The following SPANXN3 variants were observed in gnomAD, a reference collection of about 807,000 sequenced individuals.
The protein encoded by SPANXN3 is sperm protein associated with the nucleus on the X chromosome N3.
SPANXN3 carries 1 observed loss-of-function variant against 1.9 expected under a neutral mutation model. That is an observed-to-expected ratio of 0.54 (90% confidence interval 0.19 to 2.54). The LOEUF is 2.54. Ranked by LOEUF, SPANXN3 falls within the 30% of genes most tolerant of loss-of-function variation. SPANXN3 has a pLI of 0.24. For synonymous variants in SPANXN3, 47 were observed against 40.0 expected, an observed-to-expected ratio of 1.17 and a Z score of -0.66; for missense variants, 113 against 96.2, an observed-to-expected ratio of 1.17 and a Z score of -0.73.
chrX:143,510,398 C>A (rs1929064774), intron 1 of SPANXN3, among the ~76,000 whole-genome samples: 1 of 110,673 alleles, frequency 9.0e-6, no homozygotes, highest in Non-Finnish European at 1.9e-5. Flanking sequence ...CTCTCCAGGT[C>A]CCTTCTCCCA....
At chrX:143,510,571 T>G (rs1556411556) in intron 1 of SPANXN3, among the ~76,000 whole-genome samples, 1 of 111,795 alleles carries the variant, frequency 8.9e-6, no homozygotes, top group Non-Finnish European at 1.9e-5. Context: ...AACATTCAAC[T>G]TTCAAATTCA....
At chrX:143,509,549 G>T (rs1556411415) in intron 1 of SPANXN3, 1 of 146,788 alleles carries the variant, frequency 6.8e-6, no homozygotes, top group African/African-American at 3.2e-5. Flanking sequence ...CCAGCCCTGG[G>T]CTAACCTCCA....
intron 1 of SPANXN3, among the ~76,000 whole-genome samples, chrX:143,511,316 T>C (rs1301198791): frequency 9.0e-6 from 1 of 111,563 alleles, no homozygotes; most frequent in African/African-American, 3.3e-5. Context: ...CCATATGATA[T>C]CATGCCTTCT....
intron 1 of SPANXN3, among the ~76,000 whole-genome samples, chrX:143,509,418 T>C (rs1461773107): frequency 9.0e-6 from 1 of 111,291 alleles, no homozygotes; most frequent in Non-Finnish European, 1.9e-5. Flanking sequence ...AGTGAAACAT[T>C]CCATGGGGGT....
chrX:143,511,386 A>C (rs2057544553), intron 1 of SPANXN3, among the ~76,000 whole-genome samples: 1 of 111,459 alleles, frequency 9.0e-6, no homozygotes, highest in South Asian at 3.8e-4. Flanking sequence ...AAAGGTCACA[A>C]CTAAATATGC....
intron 1 of SPANXN3, among the ~76,000 whole-genome samples, chrX:143,510,547 C>T (rs1929068454): frequency 8.9e-6 from 1 of 111,741 alleles, no homozygotes; most frequent in Admixed American, 9.5e-5. Context: ...TCACTCCCCT[C>T]TTCTAAAAAA....
At position 143,508,775 on chromosome X, in the gene SPANXN3, A is replaced by G; in HGVS notation, c.*40T>C. Reference sequence around the variant, plus strand: ...TGATTTTATTGTAATCATCGCCATCAGTGGTGATGATTTGTCCAATTTGGT... The same window carrying G: ...TGATTTTATTGTAATCATCGCCATCGGTGGTGATGATTTGTCCAATTTGGT... On this transcript the variant is annotated 3_prime_UTR_variant, in exon 2 of 2. Transcript: ENST00000370503. The G allele has an allele frequency of 9.6e-7, 1 of 1,041,545 alleles. No homozygotes were observed. Among genetic ancestry groups the G allele is most frequent in the Non-Finnish European group, 1.3e-6 (1 of 751,026 alleles). 85.8% of individuals were successfully genotyped at this position (1,041,545 alleles called of 1,213,427 possible). A position where few individuals can be genotyped will look rare whatever the true frequency, so the allele number is the denominator to read the frequency against.
chrX:143,511,719 G>A (rs1334294013), intron 1 of SPANXN3, among the ~76,000 whole-genome samples: 2 of 111,465 alleles, frequency 1.8e-5, no homozygotes, highest in African/African-American at 6.5e-5. Context: ...GGGACACTGA[G>A]CAAAAGCCTG....
chrX:143,516,072 G>A (rs1483960109), intron 1 of SPANXN3, among the ~76,000 whole-genome samples: 3 of 111,774 alleles, frequency 2.7e-5, no homozygotes, highest in Non-Finnish European at 5.6e-5. Context: ...CTTCTGCCCT[G>A]TCAGGGCTAC....
At chrX:143,512,540 C>T (rs1191514945) in intron 1 of SPANXN3, among the ~76,000 whole-genome samples, 1 of 111,352 alleles carries the variant, frequency 9.0e-6, no homozygotes, top group African/African-American at 3.3e-5. Context: ...AGTTGTTGAC[C>T]AGGCAGTGGT....
intron 1 of SPANXN3, among the ~76,000 whole-genome samples, chrX:143,512,219 A>G (rs1929107423): frequency 9.2e-6 from 1 of 109,202 alleles, no homozygotes; most frequent in Admixed American, 9.8e-5. Flanking sequence ...CCGACACCCA[A>G]ACGCTTCCCT....
chrX:143,510,563 C>T (rs1399048402), intron 1 of SPANXN3, among the ~76,000 whole-genome samples: 2 of 111,788 alleles, frequency 1.8e-5, no homozygotes, highest in African/African-American at 3.3e-5. Context: ...AAAAACAAAA[C>T]ATTCAACTTT....
At chrX:143,515,807 C>T (rs1929203727) in intron 1 of SPANXN3, among the ~76,000 whole-genome samples, 1 of 111,994 alleles carries the variant, frequency 8.9e-6, no homozygotes, top group African/African-American at 3.3e-5. Flanking sequence ...CCAGTTCATT[C>T]CCAAACCTGT....
chrX:143,511,443 C>T (rs781784330), intron 1 of SPANXN3, among the ~76,000 whole-genome samples: 61 of 111,521 alleles, frequency 5.5e-4, no homozygotes, highest in African/African-American at 1.7e-3. Flanking sequence ...CCTCCATTTA[C>T]ACTTTATCTC....
chrX:143,511,992 C>G (rs1429846636), intron 1 of SPANXN3, among the ~76,000 whole-genome samples: 50 of 111,220 alleles, frequency 4.5e-4, no homozygotes, highest in African/African-American at 1.6e-3. Flanking sequence ...TATTCTAGAC[C>G]CTTTTTCTGT....
At chrX:143,512,452 T>C (rs1556411884) in intron 1 of SPANXN3, among the ~76,000 whole-genome samples, 2 of 111,550 alleles carry the variant, frequency 1.8e-5, no homozygotes, top group Non-Finnish European at 3.8e-5. Context: ...TTCTCAAGCC[T>C]GTTAACTCTC....
chrX:143,513,677 G>A (rs782582027), intron 1 of SPANXN3, among the ~76,000 whole-genome samples: 11 of 111,304 alleles, frequency 9.9e-5, no homozygotes, highest in African/African-American at 2.9e-4. Context: ...AAACACTTCC[G>A]ATTCTAGGCT....
At position 143,508,917 on chromosome X, in the gene SPANXN3, A is replaced by C. The variant is rs782522542; in HGVS notation, c.324T>G (p.Pro108=). 9 of 1,211,474 alleles carry C rather than the reference A, an allele frequency of 7.4e-6. No individual in the cohort carries two copies. In the South Asian group the frequency reaches 1.6e-4, roughly 21 times the overall value. The change falls in exon 2 of 2, where the codon CCT becomes CCG. Residue 108 remains proline, a synonymous_variant. Transcript: ENST00000370503. Reference sequence around the variant, plus strand: ...AGTCTAGATCTTTGTCCTCCTTTGAAGGTCCTTCACATGGGCCTAGGTCTT... The same window carrying C: ...AGTCTAGATCTTTGTCCTCCTTTGACGGTCCTTCACATGGGCCTAGGTCTT... ...EDEDLGPCEG[P]SKEDKDLDSS...
At chrX:143,514,656 G>C (rs5908676) in intron 1 of SPANXN3, among the ~76,000 whole-genome samples, 10,808 of 110,654 alleles carry the variant, frequency 0.098, 450 homozygotes, top group African/African-American at 0.16. Context: ...AAAAGGCACA[G>C]ACCATTGCTT....
Sources: gnomAD v4.1 joint callset for allele counts (sites outside exome capture counted in the v4.1 genomes callset) on GRCh38, gnomAD v4.1.1 for gene constraint, MANE v1.5 for transcripts, NCBI Gene and HGNC (gene_info 2026-07-23, HGNC 2026-07-21) for gene names.